BEND7: variants seen among roughly 807,000 people sequenced by gnomAD.
The protein encoded by BEND7 is BEN domain containing 7.
BEND7 carries 28 observed loss-of-function variants against 50.9 expected under a neutral mutation model. The ratio of observed to expected loss-of-function variants is 0.55; its 90% CI spans 0.41 to 0.75. BEND7 has a LOEUF of 0.75. BEND7 is among the 30% of genes least tolerant of loss of function. The pLI is 0.00. For synonymous variants in BEND7, 170 were observed against 183.9 expected (o/e 0.92, Z 0.61); for missense variants, 477 against 491.3 (o/e 0.97, Z 0.28).
At chr10:13,452,178 T>C (rs1391832995) in intron 7 of BEND7, among the ~76,000 whole-genome samples, 3 of 152,186 alleles carry the variant, frequency 2.0e-5, no homozygotes, top group Admixed American at 6.5e-5. Flanking sequence ...CTTAAGCAAC[T>C]TGTACTTTTA....
chr10:13,441,589 T>C lies in BEND7; in HGVS notation c.*154A>G, dbSNP rs868321427. On this transcript the variant is annotated 3_prime_UTR_variant, in exon 9 of 9. Coordinates refer to ENST00000466271, the MANE Select transcript of BEND7 (RefSeq NM_001369863.1). Reference sequence around the variant, plus strand: ...CAGTTGGAAGTTAGCGTTTCTGCCTTGACCAGCAACATACTCATCCTATTT... The same window carrying C: ...CAGTTGGAAGTTAGCGTTTCTGCCTCGACCAGCAACATACTCATCCTATTT... 41 of 1,479,422 alleles carry C rather than the reference T, an allele frequency of 2.8e-5. No homozygotes were observed. In the Middle Eastern group the frequency reaches 3.1e-3, roughly 111 times the overall value. The allele number at this position is 1,479,422 out of a possible 1,614,324, so 91.6% of individuals were successfully genotyped here.
At chr10:13,472,945 T>A (rs2075030724) in intron 6 of BEND7, among the ~76,000 whole-genome samples, 2 of 152,080 alleles carry the variant, frequency 1.3e-5, no homozygotes, top group African/African-American at 2.4e-5. Context: ...TCATCACTGT[T>A]AGACTCAGGG....
chr10:13,475,588 T>TA (rs1371506157), intron 6 of BEND7, among the ~76,000 whole-genome samples: 1 of 152,170 alleles, frequency 6.6e-6, no homozygotes, highest in African/African-American at 2.4e-5. Flanking sequence ...CTGACACTAG[T>TA]AAAAAAATTG....
At chr10:13,454,825 G>A (rs983065245) in intron 6 of BEND7, among the ~76,000 whole-genome samples, 2 of 152,182 alleles carry the variant, frequency 1.3e-5, no homozygotes, top group African/African-American at 4.8e-5. Context: ...TCAGAGAAGG[G>A]GCCAAATTGA....
chr10:13,457,714 T>C (rs532832975), intron 6 of BEND7, among the ~76,000 whole-genome samples: 2 of 152,322 alleles, frequency 1.3e-5, no homozygotes, highest in Middle Eastern at 6.8e-3. Context: ...GCTATGTGAA[T>C]AGAGGTATTG....
At chr10:13,440,517 C>A (rs1323895826), downstream of BEND7, among the ~76,000 whole-genome samples, 1 of 152,252 alleles carries the variant, frequency 6.6e-6, no homozygotes, top group East Asian at 1.9e-4. Context: ...CCTGTAAAAC[C>A]AGGGGCCCAG....
chr10:13,517,803 G>T (rs555159083), intron 2 of BEND7, among the ~76,000 whole-genome samples: 1 of 152,278 alleles, frequency 6.6e-6, no homozygotes, highest in East Asian at 1.9e-4. Flanking sequence ...GATACTCTCA[G>T]GAGCCGAAAG....
Position 13,526,794 on chromosome 10 carries a change from T to C in BEND7, c.62-573A>G, listed in dbSNP as rs150058845. On this transcript the variant is annotated intron_variant, in intron 1 of 8. Coordinates refer to ENST00000466271, the MANE Select transcript of BEND7 (RefSeq NM_001369863.1). ...TCTTTCGCATTCAGCTACTGCACTT[T>C]ATTTAATATGCAAGTTTATTTTCTA... Among the ~76,000 whole-genome samples, 6 of 152,322 alleles carry C rather than the reference T, an allele frequency of 3.9e-5. No homozygotes were observed. In the East Asian group the frequency reaches 1.2e-3, roughly 29 times the overall value.
intron 6 of BEND7, among the ~76,000 whole-genome samples, chr10:13,473,001 C>T (rs749859791): frequency 9.9e-5 from 15 of 152,150 alleles, no homozygotes; most frequent in Non-Finnish European, 1.3e-4. Context: ...TACTCGTCAT[C>T]GCTGTTACAC....
At position 13,526,186 on chromosome 10, in the gene BEND7, T is replaced by C; in HGVS notation, c.97A>G (p.Ser33Gly). 1 of 1,289,722 alleles carries C rather than the reference T, an allele frequency of 7.8e-7. No homozygotes were observed. The highest frequency in any genetic ancestry group is 1.0e-6 in the Non-Finnish European group (1 of 988,814). 79.9% of individuals were successfully genotyped at this position (1,289,722 alleles called of 1,614,324 possible). The change falls in exon 2 of 9, where the codon AGC (serine) becomes GGC (glycine). Residue 33 changes from serine to glycine, a missense_variant. By Grantham distance (56) the Ser-to-Gly change is moderately conservative. Transcript: ENST00000466271. The part of the protein sequence containing the change: ...HHEVYKIPEF[S>G]NDVNGEAKET... ...TTGGCCTCCCCATTAACATCGTTGC[T>C]GAATTCTGGGATCTTATACACCTCG...
Position 13,501,987 on chromosome 10 carries a change from TACAC to T in BEND7, c.146-1911_146-1908del, listed in dbSNP as rs528668374. ...TTAAGAAAAATACAGCTCCTACAAA[TACAC>T]ACAGCACATTCAATATAATGATTGC... On this transcript the variant is annotated intron_variant, in intron 2 of 8. Coordinates refer to ENST00000466271, the MANE Select transcript of BEND7 (RefSeq NM_001369863.1). Among the ~76,000 whole-genome samples, 544 of 152,098 alleles carry T rather than the reference TACAC, an allele frequency of 3.6e-3. 5 individuals carry two copies. The highest frequency in any genetic ancestry group is 6.5e-3 in the Non-Finnish European group (444 of 67,992).
intron 2 of BEND7, among the ~76,000 whole-genome samples, chr10:13,515,246 C>T (rs777633925): frequency 1.5e-4 from 23 of 152,130 alleles, no homozygotes; most frequent in Non-Finnish European, 3.1e-4. Flanking sequence ...AACAAATGCT[C>T]GCAGAATACT....
intron 6 of BEND7, among the ~76,000 whole-genome samples, chr10:13,469,977 C>A (rs2074646937): frequency 6.6e-6 from 1 of 152,142 alleles, no homozygotes; most frequent in South Asian, 2.1e-4. Context: ...GGAACACTTG[C>A]TAGATAACTG....
At chr10:13,439,790 C>T (rs1239198773), downstream of BEND7, among the ~76,000 whole-genome samples, 3 of 152,172 alleles carry the variant, frequency 2.0e-5, no homozygotes, top group African/African-American at 7.2e-5. Flanking sequence ...CCAGGCGGAT[C>T]GACCTAAGAT....
intron 4 of BEND7, among the ~76,000 whole-genome samples, chr10:13,493,301 G>A (rs576922800): frequency 2.6e-5 from 4 of 152,294 alleles, no homozygotes; most frequent in East Asian, 1.9e-4. Context: ...AGACTGATCC[G>A]TTCCTAATAA....
In BEND7 at chr10:13,489,845, C is replaced by A. The variant is rs75536021; in HGVS notation, c.837+2766G>T. ...AGCTAAGTCCTAAACTTAATGTTTC[C>A]CAAGTTTATTTTGTATATTGTGCTT... On this transcript the variant is annotated intron_variant, in intron 5 of 8. Coordinates refer to ENST00000466271, the MANE Select transcript of BEND7 (RefSeq NM_001369863.1). Among the ~76,000 whole-genome samples, 562 of 152,230 alleles carry A rather than the reference C, an allele frequency of 3.7e-3. 4 individuals carry two copies. Among genetic ancestry groups the A allele is most frequent in the African/African-American group, 0.013 (541 of 41,536 alleles).
chr10:13,480,843 C>T (rs1243201814), intron 6 of BEND7, 56 bp downstream of exon 6: 17 of 1,603,934 alleles, frequency 1.1e-5, no homozygotes, highest in East Asian at 4.5e-5. Flanking sequence ...TGCATCGTTA[C>T]GGAATGAAGG....
Position 13,481,008 on chromosome 10 carries a change from C to T in BEND7, c.954G>A (p.Ala318=), listed in dbSNP as rs1329780173. 2.7e-5 allele frequency: 43 copies of T among 1,614,030 alleles called. No homozygotes were observed. Among genetic ancestry groups the T allele is most frequent in the Non-Finnish European group, 3.5e-5 (41 of 1,180,032 alleles). The change falls in exon 6 of 9, where the codon GCG becomes GCA. Residue 318 remains alanine (A), a synonymous_variant. Transcript: ENST00000466271. The part of the protein sequence containing the change: ...GSLLFRKLVC[A]FFDDKTLANS... The stretch of plus-strand genomic sequence containing the variant: ...TAGCCAAAGTCTTGTCATCAAAAAA[C>T]GCACACACCAGTTTTCTAAACAGAA...
At chr10:13,520,058 C>T (rs2078979229) in intron 2 of BEND7, among the ~76,000 whole-genome samples, 1 of 152,122 alleles carries the variant, frequency 6.6e-6, no homozygotes, top group Admixed American at 6.5e-5. Flanking sequence ...CTCACTCCTC[C>T]AAGGCAGCAT....
Sources: gnomAD v4.1 joint callset for allele counts (sites outside exome capture counted in the v4.1 genomes callset) on GRCh38, gnomAD v4.1.1 for gene constraint, MANE v1.5 for transcripts, NCBI Gene and HGNC (gene_info 2026-07-23, HGNC 2026-07-21) for gene names.